SHQ1: variants seen among roughly 807,000 people sequenced by gnomAD.
The protein encoded by SHQ1 is SHQ1, H/ACA ribonucleoprotein assembly factor, also known as protein SHQ1 homolog.
A neutral mutation model predicts 53.8 loss-of-function variants in SHQ1; 49 were observed. The ratio of observed to expected loss-of-function variants is 0.91; its 90% CI spans 0.72 to 1.16. The LOEUF is 1.16. Ranked by LOEUF, SHQ1 falls within the 50% of genes most tolerant of loss-of-function variation. SHQ1 has a pLI of 0.00. For missense variants in SHQ1, 738 were observed against 683.1 expected (o/e 1.08, Z -0.90); for synonymous variants, 243 against 251.0 (o/e 0.97, Z 0.30).
downstream of SHQ1, among the ~76,000 whole-genome samples, chr3:72,745,147 G>GTT (rs77261439): frequency 1.4e-5 from 2 of 147,434 alleles, no homozygotes; most frequent in African/African-American, 5.0e-5. Context: ...CAGGAGTCTG[G>GTT]TTTTTTTTTT....
At chr3:72,819,937 A>T (rs1046424254) in intron 6 of SHQ1, among the ~76,000 whole-genome samples, 1 of 152,230 alleles carries the variant, frequency 6.6e-6, no homozygotes, top group South Asian at 2.1e-4. Context: ...CCTTGTATTT[A>T]GCAAGAAGGT....
intron 10 of SHQ1, among the ~76,000 whole-genome samples, chr3:72,767,451 A>G (rs567500076): frequency 7.9e-5 from 12 of 152,342 alleles, no homozygotes; most frequent in South Asian, 2.1e-4. Context: ...AATCTGTCCT[A>G]TATCACTGGG....
chr3:72,734,058 G>A, the SHQ1 span, among the ~76,000 whole-genome samples: 1 of 150,986 alleles, frequency 6.6e-6, no homozygotes, highest in Non-Finnish European at 1.5e-5. Flanking sequence ...CTACTCAGAA[G>A]GCTGAGGTGG....
In SHQ1 at chr3:72,750,049, T is replaced by G. The variant is rs532318075; in HGVS notation, c.*235A>C. 126 of 504,798 alleles carry G rather than the reference T, an allele frequency of 2.5e-4. No homozygotes were observed. Among genetic ancestry groups the G allele is most frequent in the African/African-American group, 2.3e-3 (118 of 51,652 alleles). 31.3% of individuals were successfully genotyped at this position (504,798 alleles called of 1,614,324 possible). A position where few individuals can be genotyped will look rare whatever the true frequency, so the allele number is the denominator to read the frequency against. On this transcript the variant is annotated 3_prime_UTR_variant, in exon 11 of 11. Transcript: ENST00000325599. ...AATGCTGTGGAAATAGTTGTCATAC[T>G]GTATTATTTAGAGAATAATAACAAG...
In SHQ1 at chr3:72,755,274, A is replaced by AGATGGATG. The variant is rs879644608; in HGVS notation, c.1182-4446_1182-4439dup. The stretch of plus-strand genomic sequence containing the variant: ...TGGATGGATGGATGGATAGATGGAT[A>AGATGGATG]GATGGATGGATGGATGGATGGATGG... On this transcript the variant is annotated intron_variant, in intron 10 of 10. Coordinates refer to ENST00000325599, the MANE Select transcript of SHQ1 (RefSeq NM_018130.3). Among the ~76,000 whole-genome samples, 1,331 of 150,354 alleles carry AGATGGATG rather than the reference A, an allele frequency of 8.9e-3. 22 individuals carry two copies. Among genetic ancestry groups the AGATGGATG allele is most frequent in the African/African-American group, 0.032 (1,275 of 40,016 alleles).
chr3:72,727,766 G>T, the SHQ1 span, among the ~76,000 whole-genome samples: 1 of 152,138 alleles, frequency 6.6e-6, no homozygotes, highest in East Asian at 1.9e-4. Flanking sequence ...CAGAAGTCTT[G>T]GTAACGGTGT....
At chr3:72,837,783 TCA>T (rs780041480) in intron 4 of SHQ1, among the ~76,000 whole-genome samples, 2 of 152,246 alleles carry the variant, frequency 1.3e-5, no homozygotes, top group Non-Finnish European at 2.9e-5. Flanking sequence ...ACATGATCAC[TCA>T]GTTTTGAACC....
chr3:72,820,829 T>C (rs576135963), intron 6 of SHQ1, among the ~76,000 whole-genome samples: 1 of 152,298 alleles, frequency 6.6e-6, no homozygotes, highest in Admixed American at 6.5e-5. Flanking sequence ...TGCCCTAGCA[T>C]TGAAGCAAAT....
intron 3 of SHQ1, among the ~76,000 whole-genome samples, 159 bp downstream of exon 3, chr3:72,842,121 T>A (rs1393145636): frequency 6.6e-6 from 1 of 152,238 alleles, no homozygotes; most frequent in African/African-American, 2.4e-5. Flanking sequence ...CTTAATTATA[T>A]CACCAAAGAA....
At chr3:72,775,115 CA>C in intron 10 of SHQ1, among the ~76,000 whole-genome samples, 1 of 151,052 alleles carries the variant, frequency 6.6e-6, no homozygotes, top group East Asian at 1.9e-4. Flanking sequence ...ACTCCGTCTC[CA>C]AAAATAAAAA....
intron 10 of SHQ1, among the ~76,000 whole-genome samples, chr3:72,782,287 A>C (rs1706094396): frequency 6.6e-6 from 1 of 152,220 alleles, no homozygotes; most frequent in South Asian, 2.1e-4. Flanking sequence ...AATTTCTCTC[A>C]ATGCTCTGCT....
rs755149825 is a variant in SHQ1 at position 72,815,364 on chromosome 3, G to A, written c.922C>T (p.Leu308=). 6.8e-6 allele frequency: 11 copies of A among 1,613,208 alleles called. No individual in the cohort carries two copies. Among genetic ancestry groups the A allele is most frequent in the Non-Finnish European group, 9.3e-6 (11 of 1,179,626 alleles). Residue 308 remains leucine, a synonymous_variant, in exon 8 of 11, where the codon CTA becomes TTA. Transcript: ENST00000325599. ...AWNIRKLSPT[L]CWFETWTNVH... ...GGAAATCATACCTCAAACCAGCATA[G>A]TGTTGGACTCAGTTTCCTGATATTC...
intron 10 of SHQ1, among the ~76,000 whole-genome samples, chr3:72,761,092 G>A (rs947708928): frequency 2.0e-5 from 3 of 152,136 alleles, no homozygotes; most frequent in South Asian, 2.1e-4. Flanking sequence ...ATTCATGAAC[G>A]CATTAATATA....
intron 10 of SHQ1, among the ~76,000 whole-genome samples, chr3:72,761,851 A>G (rs1705616035): frequency 1.3e-5 from 2 of 152,190 alleles, no homozygotes; most frequent in Non-Finnish European, 2.9e-5. Flanking sequence ...TTATGTGTGA[A>G]CTCACATACA....
intron 9 of SHQ1, among the ~76,000 whole-genome samples, chr3:72,804,508 C>A (rs913461549): frequency 2.7e-5 from 4 of 148,110 alleles, no homozygotes; most frequent in Admixed American, 6.8e-5. Context: ...ACATTTTGTA[C>A]CTTATCTTTT....
chr3:72,779,362 CA>C (rs1706026051), intron 10 of SHQ1, among the ~76,000 whole-genome samples: 1 of 152,198 alleles, frequency 6.6e-6, no homozygotes, highest in South Asian at 2.1e-4. Context: ...CTTCAGTACT[CA>C]AACCAAACAT....
chr3:72,753,721 C>T, intron 10 of SHQ1: 1 of 763,104 alleles, frequency 1.3e-6, no homozygotes, highest in Non-Finnish European at 1.6e-6. Flanking sequence ...TAATGATTCA[C>T]CAAAGCATTA....
chr3:72,748,996 CACAG>C (rs202040923), downstream of SHQ1, among the ~76,000 whole-genome samples: 704 of 151,856 alleles, frequency 4.6e-3, 4 homozygotes, highest in African/African-American at 0.016. Flanking sequence ...CACACACACA[CACAG>C]GCAGAAGATT....
Position 72,841,030 on chromosome 3 carries a change from A to G in SHQ1, c.486+15T>C, listed in dbSNP as rs926717069. Reference sequence around the variant, plus strand: ...AAAACCCTATAGATCAAGATCTTTCAGAAAGACAACATACCTGTAACCGTT... The same window carrying G: ...AAAACCCTATAGATCAAGATCTTTCGGAAAGACAACATACCTGTAACCGTT... On this transcript the variant is annotated intron_variant, in intron 4 of 10. Transcript: ENST00000325599. The G allele has an allele frequency of 6.9e-6, 11 of 1,595,670 alleles. No individual in the cohort carries two copies. In the South Asian group the frequency reaches 1.0e-4, roughly 15 times the overall value.
Sources: gnomAD v4.1 joint callset for allele counts (sites outside exome capture counted in the v4.1 genomes callset) on GRCh38, gnomAD v4.1.1 for gene constraint, MANE v1.5 for transcripts, NCBI Gene and HGNC (gene_info 2026-07-23, HGNC 2026-07-21) for gene names.